Variants in DDX1 observed in about 807,000 individuals in gnomAD.
DDX1 encodes ATP-dependent RNA helicase DDX1.
In DDX1, 28 loss-of-function variants were observed where a neutral mutation model predicts 108.7. The ratio of observed to expected loss-of-function variants is 0.26; its 90% CI spans 0.19 to 0.35. The LOEUF is 0.35. DDX1 is among the 10% of genes least tolerant of loss of function. DDX1 has a pLI of 1.00. For synonymous variants in DDX1, 295 were observed against 288.9 expected, an observed-to-expected ratio of 1.02 and a Z score of -0.21; for missense variants, 710 against 884.5, an observed-to-expected ratio of 0.80 and a Z score of 2.50.
chr2:15,605,427 G>A (rs181467145), intron 10 of DDX1, among the ~76,000 whole-genome samples: 199 of 152,252 alleles, frequency 1.3e-3, no homozygotes, highest in Non-Finnish European at 2.0e-3. Flanking sequence ...TCAGTGCTGC[G>A]GATGGGTCTA....
At chr2:15,591,976 G>A in intron 1 of DDX1, 27 bp downstream of exon 1, 1 of 1,401,342 alleles carries the variant, frequency 7.1e-7, no homozygotes, top group South Asian at 1.6e-5. Context: ...TCTGGGGGTG[G>A]TGGGGCGGCT....
chr2:15,612,945 G>A (rs1013277776), intron 13 of DDX1, among the ~76,000 whole-genome samples: 30 of 150,636 alleles, frequency 2.0e-4, no homozygotes, highest in African/African-American at 7.0e-4. Flanking sequence ...GCAGTGAGCC[G>A]AGATGGCAGC....
Position 15,630,925 on chromosome 2 carries a change from A to G in DDX1, c.*19A>G, listed in dbSNP as rs1384748858. On this transcript the variant is annotated 3_prime_UTR_variant, in exon 26 of 26. Coordinates refer to ENST00000233084, the MANE Select transcript of DDX1 (RefSeq NM_004939.3). Reference sequence around the variant, plus strand: ...CTTCTGATTTTTACATTTACTGAATAAGATTTGAGTAATGAAAGTCTGTAG... The same window carrying G: ...CTTCTGATTTTTACATTTACTGAATGAGATTTGAGTAATGAAAGTCTGTAG... The G allele has an allele frequency of 6.2e-7, 1 of 1,612,290 alleles. No homozygotes were observed. The highest frequency in any genetic ancestry group is 8.5e-7 in the Non-Finnish European group (1 of 1,178,530).
At chr2:15,602,025 T>G (rs1335841994) in intron 6 of DDX1, among the ~76,000 whole-genome samples, 1 of 152,226 alleles carries the variant, frequency 6.6e-6, no homozygotes, top group African/African-American at 2.4e-5. Context: ...TAGTTTCCCA[T>G]ATGGTTTCTT....
chr2:15,621,124 A>G lies in DDX1; in HGVS notation c.1447+8A>G. The G allele has an allele frequency of 6.3e-7, 1 of 1,593,768 alleles. No homozygotes were observed. Among genetic ancestry groups the G allele is most frequent in the South Asian group, 1.1e-5 (1 of 89,972 alleles). ...CTGGTGCTAATAGTCCAGGTGAGTTAAAAGAGTCAAATGTGTTGAAAGATT... is the reference window on the plus strand; with the variant it reads ...CTGGTGCTAATAGTCCAGGTGAGTTGAAAGAGTCAAATGTGTTGAAAGATT... On this transcript the variant is annotated splice_region_variant and intron_variant, in intron 18 of 25. Transcript: ENST00000233084.
chr2:15,608,011 A>T (rs998712930), intron 13 of DDX1, among the ~76,000 whole-genome samples: 2 of 152,154 alleles, frequency 1.3e-5, no homozygotes, highest in African/African-American at 4.8e-5. Context: ...CCATTTGGAC[A>T]TTCAGATTGG....
chr2:15,611,747 C>A (rs1443713029), intron 13 of DDX1, among the ~76,000 whole-genome samples: 1 of 109,828 alleles, frequency 9.1e-6, no homozygotes, highest in Admixed American at 8.1e-5. Context: ...GGCTGACCCC[C>A]CCACCTCCCT....
At position 15,623,531 on chromosome 2, in the gene DDX1, A is replaced by G; in HGVS notation, c.1543A>G (p.Thr515Ala). 1 of 1,613,596 alleles carries G rather than the reference A, an allele frequency of 6.2e-7. No homozygotes were observed. The highest frequency in any genetic ancestry group is 8.5e-7 in the Non-Finnish European group (1 of 1,179,634). ...KMDQAIIFCR[T>A]KIDCDNLEQY... The stretch of plus-strand genomic sequence containing the variant: ...GGATCAAGCAATTATCTTCTGTAGA[A>G]CCAAAATTGACTGTGATAACTTGGA... The change falls in exon 19 of 26, where the codon ACC (threonine) becomes GCC (alanine). Residue 515 changes from threonine (T) to alanine (A), a missense_variant. This residue lies in a region of DDX1 where 661 missense variants were observed against 810.2 expected (regional missense o/e 0.82). Transcript: ENST00000233084.
Position 15,595,210 on chromosome 2 carries a change from G to A in DDX1, c.68+14G>A, listed in dbSNP as rs751160155. 3.0e-5 allele frequency: 47 copies of A among 1,591,392 alleles called. No homozygotes were observed. In the South Asian group the frequency reaches 4.6e-4, roughly 16 times the overall value. On this transcript the variant is annotated intron_variant, in intron 2 of 25. Transcript: ENST00000233084. ...GATGGATTGGCTGTAAGTACATAAA[G>A]CCTAAATGTACCTGGGAGAGGATGT...
intron 13 of DDX1, among the ~76,000 whole-genome samples, chr2:15,607,552 A>G (rs965410529): frequency 1.3e-5 from 2 of 152,002 alleles, no homozygotes; most frequent in Non-Finnish European, 2.9e-5. Flanking sequence ...ATGAAAAGTC[A>G]TGGTTAGTCA....
Position 15,631,076 on chromosome 2 carries a change from C to A in DDX1, c.*170C>A. ...AGGAATTCTTCAAAAAATGGCATCC[C>A]AATGAAAATAAATTTGATGACTATA... On this transcript the variant is annotated 3_prime_UTR_variant, in exon 26 of 26. Coordinates refer to ENST00000233084, the MANE Select transcript of DDX1 (RefSeq NM_004939.3). The A allele has an allele frequency of 1.9e-6, 1 of 515,490 alleles. No individual in the cohort carries two copies. The highest frequency in any genetic ancestry group is 3.2e-6 in the Non-Finnish European group (1 of 309,934). 31.9% of individuals were successfully genotyped at this position (515,490 alleles called of 1,614,324 possible).
Position 15,618,555 on chromosome 2 carries a change from C to T in DDX1, c.1206+285C>T, listed in dbSNP as rs370769690. ...GGCACACAGCCAGGCACATTGGCTG[C>T]GGCAGGGCGGGTAGCTCCAGGCACT... is the stretch of plus-strand genomic sequence containing the variant. On this transcript the variant is annotated intron_variant, in intron 16 of 25. Transcript: ENST00000233084. Among the ~76,000 whole-genome samples, 77 of 152,330 alleles carry T rather than the reference C, an allele frequency of 5.1e-4. 1 individual carries two copies. The highest frequency in any genetic ancestry group is 9.4e-4 in the African/African-American group (39 of 41,578).
At chr2:15,627,274 A>G (rs933844757) in intron 20 of DDX1, 129 bp downstream of exon 20, 5 of 536,104 alleles carry the variant, frequency 9.3e-6, no homozygotes, top group Non-Finnish European at 1.6e-5. Context: ...TACCCTAACT[A>G]ATGTGTCATC....
At position 15,629,838 on chromosome 2, in the gene DDX1, T is replaced by C. The variant is rs540227125; in HGVS notation, c.1971+141T>C. 1.4e-5 allele frequency: 14 copies of C among 1,012,324 alleles called. No individual in the cohort carries two copies. In the East Asian group the frequency reaches 1.5e-4, roughly 11 times the overall value. The allele number at this position is 1,012,324 out of a possible 1,614,324, so 62.7% of individuals were successfully genotyped here. Reference sequence around the variant, plus strand: ...TAGTTGGTTATAATGTTATCTGCACTTTGCTAATTGTAAGTTGTGAATTTC... The same window carrying C: ...TAGTTGGTTATAATGTTATCTGCACCTTGCTAATTGTAAGTTGTGAATTTC... On this transcript the variant is annotated intron_variant, in intron 24 of 25. Coordinates refer to ENST00000233084, the MANE Select transcript of DDX1 (RefSeq NM_004939.3).
intron 13 of DDX1, among the ~76,000 whole-genome samples, chr2:15,609,868 T>C (rs1016625448): frequency 6.6e-6 from 1 of 152,178 alleles, no homozygotes; most frequent in Non-Finnish European, 1.5e-5. Flanking sequence ...TTCCAGAGAA[T>C]AGGAATTAGA....
chr2:15,627,170 CCTTAATA>C (rs747831187), intron 20 of DDX1, 25 bp downstream of exon 20: 66 of 1,345,602 alleles, frequency 4.9e-5, no homozygotes, highest in Non-Finnish European at 4.0e-5. Context: ...TTGATTGTTT[CCTTAATA>C]CTTAAGAGGG....
intron 18 of DDX1, among the ~76,000 whole-genome samples, chr2:15,621,714 G>A (rs1666011909): frequency 6.6e-6 from 1 of 151,284 alleles, no homozygotes. Flanking sequence ...GTGCACTGGT[G>A]CGATTTTGGC....
intron 17 of DDX1, among the ~76,000 whole-genome samples, 185 bp from the exon 18 acceptor site, chr2:15,620,880 C>A (rs1665993458): frequency 1.3e-5 from 2 of 151,982 alleles, no homozygotes; most frequent in Middle Eastern, 3.2e-3. Context: ...TGGTCTTAGA[C>A]CTATAGTTAA....
chr2:15,609,645 C>CTT, intron 13 of DDX1, among the ~76,000 whole-genome samples: 1 of 152,230 alleles, frequency 6.6e-6, no homozygotes, highest in East Asian at 1.9e-4. Context: ...CAGTGCTTTG[C>CTT]GTATAAGCAT....
Sources: allele counts gnomAD v4.1 joint callset (sites outside exome capture counted in the v4.1 genomes callset), GRCh38; gene constraint gnomAD v4.1.1; regional missense constraint gnomAD v4.1.1; transcripts MANE v1.5; gene names NCBI Gene and HGNC (gene_info 2026-07-23, HGNC 2026-07-21).